GSE1: variants seen among roughly 807,000 people sequenced by gnomAD.
GSE1 encodes the protein genetic suppressor element 1.
GSE1 carries 32 observed loss-of-function variants against 112.6 expected under a neutral mutation model. That is an observed-to-expected ratio of 0.28 (90% CI 0.21 to 0.38). The LOEUF (loss-of-function observed/expected upper bound fraction) is 0.38. GSE1 is among the 10% of genes least tolerant of loss of function. GSE1 has a pLI of 1.00. For synonymous variants in GSE1, 1,115 were observed against 735.6 expected, an observed-to-expected ratio of 1.52 and a Z score of -8.35; for missense variants, 2,348 against 1,699.2, an observed-to-expected ratio of 1.38 and a Z score of -6.71.
chr16:85,497,229 C>T lies in GSE1; in HGVS notation c.2465-136685C>T, dbSNP rs141517124. 3.2e-3 allele frequency among the ~76,000 whole-genome samples: 493 copies of T among 152,352 alleles called. 4 individuals carry two copies. The Middle Eastern group carries it at 0.054, about 17-fold the overall frequency. ...CTGGGCCTTTCTGGTCCCACTGAAG[C>T]TGCTGGGTCTCCTGAAGGCGGAGTG... is the stretch of plus-strand genomic sequence containing the variant. On this transcript the variant is annotated intron_variant, in intron 2 of 2. Transcript: ENST00000637419.
intron 2 of GSE1, among the ~76,000 whole-genome samples, chr16:85,443,049 G>A (rs545031213): frequency 6.6e-6 from 1 of 152,320 alleles, no homozygotes; most frequent in African/African-American, 2.4e-5. Flanking sequence ...TGGATCGAGG[G>A]CCCACCCTAC....
At chr16:85,206,654 C>T (rs1238980885) in intron 1 of GSE1, among the ~76,000 whole-genome samples, 1 of 149,720 alleles carries the variant, frequency 6.7e-6, no homozygotes, top group African/African-American at 2.5e-5. Context: ...CCCACCCCTT[C>T]CTCTCCTGCC....
At chr16:85,275,206 C>A (rs1215312157) in intron 1 of GSE1, among the ~76,000 whole-genome samples, 1 of 152,190 alleles carries the variant, frequency 6.6e-6, no homozygotes, top group Non-Finnish European at 1.5e-5. Context: ...AACTCCCAAA[C>A]CACAGAGGCC....
chr16:85,212,278 C>T (rs760792582), intron 1 of GSE1, among the ~76,000 whole-genome samples: 11 of 152,050 alleles, frequency 7.2e-5, no homozygotes, highest in Non-Finnish European at 1.3e-4. Context: ...TGGTGGCAGG[C>T]GCCTGTTATC....
At chr16:85,409,611 CT>C (rs543295315) in intron 2 of GSE1, among the ~76,000 whole-genome samples, 1 of 12,048 alleles carries the variant, frequency 8.3e-5, no homozygotes, top group African/African-American at 1.1e-4. Context: ...CAGGGCCCCC[CT>C]GGATAATCCT....
At chr16:85,280,581 A>G (rs1175312919) in intron 1 of GSE1, among the ~76,000 whole-genome samples, 1 of 152,106 alleles carries the variant, frequency 6.6e-6, no homozygotes, top group Admixed American at 6.6e-5. Context: ...TCTTTAGTAG[A>G]GACGGGATTT....
intron 2 of GSE1, among the ~76,000 whole-genome samples, chr16:85,644,881 T>C (rs1327352242): frequency 6.6e-6 from 1 of 151,988 alleles, no homozygotes; most frequent in East Asian, 1.9e-4. Context: ...ACAACGATCC[T>C]TTCCCTAGTT....
At chr16:85,212,553 C>T (rs983093874) in intron 1 of GSE1, among the ~76,000 whole-genome samples, 10 of 152,158 alleles carry the variant, frequency 6.6e-5, no homozygotes, top group African/African-American at 2.4e-4. Flanking sequence ...GGGAAGACAG[C>T]GTTTTCAGGC....
intron 1 of GSE1, among the ~76,000 whole-genome samples, chr16:85,556,773 G>T (rs2045243635): frequency 6.9e-6 from 1 of 144,120 alleles, no homozygotes; most frequent in Non-Finnish European, 1.5e-5. Flanking sequence ...CAGTCCTGGG[G>T]TTTATTTCCC....
intron 2 of GSE1, among the ~76,000 whole-genome samples, chr16:85,475,667 A>G (rs2050429369): frequency 6.6e-6 from 1 of 152,186 alleles, no homozygotes; most frequent in Non-Finnish European, 1.5e-5. Flanking sequence ...TCGAGGCCTG[A>G]AATTTCCCAG....
At chr16:85,320,603 C>T (rs144142962) in intron 1 of GSE1, among the ~76,000 whole-genome samples, 2 of 152,156 alleles carry the variant, frequency 1.3e-5, no homozygotes, top group Non-Finnish European at 2.9e-5. Flanking sequence ...CCTGTATCCT[C>T]TCTTCTTACA....
At chr16:85,669,825 G>C (rs1433344946) in intron 14 of GSE1, among the ~76,000 whole-genome samples, 1 of 152,174 alleles carries the variant, frequency 6.6e-6, no homozygotes, top group Non-Finnish European at 1.5e-5. Flanking sequence ...CAGTTGTCCT[G>C]GCAATGTGTG....
At chr16:85,241,873 G>C (rs371334397) in intron 1 of GSE1, among the ~76,000 whole-genome samples, 17 of 151,972 alleles carry the variant, frequency 1.1e-4, no homozygotes, top group African/African-American at 4.1e-4. Context: ...CCCCCTCCCC[G>C]GGCACCCCCA....
intron 2 of GSE1, among the ~76,000 whole-genome samples, chr16:85,371,014 C>T (rs1052247639): frequency 6.6e-6 from 1 of 152,206 alleles, no homozygotes; most frequent in African/African-American, 2.4e-5. Context: ...CTGTGGCCTG[C>T]TCCACACCCT....
At chr16:85,653,896 C>G (rs12446971) in intron 3 of GSE1, among the ~76,000 whole-genome samples, 3,025 of 152,288 alleles carry the variant, frequency 0.02, 80 homozygotes, top group South Asian at 0.066. Flanking sequence ...GTCTGCTTCC[C>G]CGGGTGTGTG....
At chr16:85,653,747 A>AGTG (rs1176276213) in intron 3 of GSE1, among the ~76,000 whole-genome samples, 1 of 152,160 alleles carries the variant, frequency 6.6e-6, no homozygotes, top group East Asian at 1.9e-4. Context: ...GCCCAGGGGC[A>AGTG]GTGCCAGCTT....
chr16:85,653,496 C>T (rs1013068273), intron 3 of GSE1, among the ~76,000 whole-genome samples: 4 of 151,132 alleles, frequency 2.6e-5, no homozygotes, highest in African/African-American at 9.7e-5. Context: ...GCCACTGCCT[C>T]CTCCTGCTTT....
intron 1 of GSE1, among the ~76,000 whole-genome samples, chr16:85,230,367 T>C (rs969618963): frequency 2.0e-5 from 3 of 152,198 alleles, no homozygotes; most frequent in East Asian, 1.9e-4. Context: ...TGTATTATAT[T>C]GAAAGGGTTT....
In GSE1 at chr16:85,377,336, C is replaced by T. The variant is rs182076924; in HGVS notation, c.2464+19693C>T. Among the ~76,000 whole-genome samples the T allele has an allele frequency of 6.5e-3, 989 of 152,270 alleles. 11 individuals carry two copies. The highest frequency in any genetic ancestry group is 0.023 in the African/African-American group (952 of 41,548). On this transcript the variant is annotated intron_variant, in intron 2 of 2. Coordinates refer to the GSE1 transcript ENST00000637419. ...CAGTGGTTCGGGTCTGGCCTGTTCTCCCCCTTGGCTCCTGGCCCCCCTTGC... is the reference window on the plus strand; with the variant it reads ...CAGTGGTTCGGGTCTGGCCTGTTCTTCCCCTTGGCTCCTGGCCCCCCTTGC...
Sources: allele counts gnomAD v4.1 joint callset (sites outside exome capture counted in the v4.1 genomes callset), GRCh38; gene constraint gnomAD v4.1.1; transcripts MANE v1.5; gene names NCBI Gene and HGNC (gene_info 2026-07-23, HGNC 2026-07-21).